NCL: variants seen among roughly 807,000 people sequenced by gnomAD.
The protein encoded by NCL is nucleolin multifunctional protein.
NCL carries 4 observed loss-of-function variants against 77.7 expected under a neutral mutation model. The ratio of observed to expected loss-of-function variants is 0.05; its 90% CI spans 0.03 to 0.12. The LOEUF (loss-of-function observed/expected upper bound fraction) is 0.12, where lower values mean the gene tolerates loss of function less well. Among genes scored for constraint, NCL ranks in the 10% least tolerant of loss-of-function variants. The pLI, the probability that NCL is intolerant of heterozygous loss-of-function variation, is 1.00. For missense variants in NCL, 763 were observed against 860.9 expected, an observed-to-expected ratio of 0.89 and a Z score of 1.42; for synonymous variants, 344 against 297.8, an observed-to-expected ratio of 1.16 and a Z score of -1.60.
chr2:231,464,312 G>T, intron 1 of NCL, 24 bp downstream of exon 1: 4 of 1,583,574 alleles, frequency 2.5e-6, no homozygotes, highest in Non-Finnish European at 3.4e-6. Flanking sequence ...CTACACGTCT[G>T]CGCTCGCGCT....
At chr2:231,464,279 CG>C (rs2046979571) in intron 1 of NCL, 56 bp downstream of exon 1, 1 of 1,544,660 alleles carries the variant, frequency 6.5e-7, no homozygotes, top group African/African-American at 1.4e-5. Flanking sequence ...CGCGGCGCCG[CG>C]CTCGCCCCTC....
In NCL at chr2:231,457,077, C is replaced by T; in HGVS notation, c.1495G>A (p.Glu499Lys). The part of the protein sequence containing the change: ...VLSNLSYSAT[E>K]ETLQEVFEKA... ...TCAAATACTTCCTGAAGAGTTTCTT[C>T]TGTTGCACTGTAGGAGAGGTTGCTT... The change falls in exon 10 of 14, where the codon GAA becomes AAA. Residue 499 changes from glutamate to lysine, a missense_variant. Physicochemically the swap from Glu to Lys is moderately conservative, Grantham distance 56. This residue lies in a region of NCL where 173 missense variants were observed against 290.4 expected (regional missense o/e 0.60). Transcript: ENST00000322723. 6.2e-7 allele frequency: 1 copy of T among 1,614,084 alleles called. No individual in the cohort carries two copies. The highest frequency in any genetic ancestry group is 8.5e-7 in the Non-Finnish European group (1 of 1,179,990).
At position 231,463,470 on chromosome 2, in the gene NCL, G is replaced by A. The variant is rs578046797; in HGVS notation, c.19-154C>T. On this transcript the variant is annotated intron_variant, in intron 1 of 13. Transcript: ENST00000322723. ...ACTAACATAGAAACTACTCCTGATG[G>A]CAATGCAAGAGGGACTACTCTCAAC... is the stretch of plus-strand genomic sequence containing the variant. The A allele has an allele frequency of 1.3e-5, 9 of 692,488 alleles. No individual in the cohort carries two copies. In the East Asian group the frequency reaches 2.3e-4, roughly 18 times the overall value. 42.9% of individuals were successfully genotyped at this position (692,488 alleles called of 1,614,324 possible). A position where few individuals can be genotyped will look rare whatever the true frequency, so the allele number is the denominator to read the frequency against.
chr2:231,455,518 G>A lies in NCL; in HGVS notation c.1939C>T (p.Pro647Ser). 1 of 1,614,100 alleles carries A rather than the reference G, an allele frequency of 6.2e-7. No individual in the cohort carries two copies. The highest frequency in any genetic ancestry group is 8.5e-7 in the Non-Finnish European group (1 of 1,180,030). ...CCCCCGAAGCCACCTTCACCCTTAG[G>A]TTTGGCCCAGTCCAAGGTAACTTTA... ...GNKVTLDWAK[P>S]KGEGGFGGRG... Residue 647 changes from proline (P) to serine (S), a missense_variant, in exon 13 of 14, where the codon CCT becomes TCT. Transcript: ENST00000322723.
At position 231,456,997 on chromosome 2, in the gene NCL, T is replaced by C; in HGVS notation, c.1571+4A>G. The stretch of plus-strand genomic sequence containing the variant: ...TAACTGATGATACAAAGGTATTATC[T>C]TACCCTTTAGATTTGCCATTTTGGT... On this transcript the variant is annotated splice_donor_region_variant and intron_variant, in intron 10 of 13. Transcript: ENST00000322723. 1 of 1,613,988 alleles carries C rather than the reference T, an allele frequency of 6.2e-7. No homozygotes were observed. The highest frequency in any genetic ancestry group is 8.5e-7 in the Non-Finnish European group (1 of 1,179,908).
chr2:231,457,179 G>A (rs1258838376), intron 9 of NCL, 55 bp from the exon 10 acceptor site: 13 of 1,606,252 alleles, frequency 8.1e-6, no homozygotes, highest in African/African-American at 4.0e-5. Flanking sequence ...TCCCAGCTTC[G>A]GTCACAACAG....
intron 2 of NCL, chr2:231,462,607 G>C (rs1337960957): frequency 2.0e-6 from 1 of 504,248 alleles, no homozygotes; most frequent in Non-Finnish European, 4.0e-6. Context: ...ATCAGGCAAT[G>C]TGTGGAAGAG....
In NCL at chr2:231,455,456, A is replaced by G; in HGVS notation, c.2001T>C (p.Gly667=). 1 of 1,613,548 alleles carries G rather than the reference A, an allele frequency of 6.2e-7. No homozygotes were observed. The highest frequency in any genetic ancestry group is 8.5e-7 in the Non-Finnish European group (1 of 1,179,874). ...GGGRGGFGGR[G]GGRGGRGGFG... ...ATCCTCCTCGGCCTCCTCTACCACC[A>G]CCTCGTCCTCCAAAGCCGCCTCTGC... Residue 667 remains glycine (G), a synonymous_variant, in exon 13 of 14, where the codon GGT becomes GGC. Coordinates refer to ENST00000322723, the MANE Select transcript of NCL (RefSeq NM_005381.3).
At chr2:231,461,000 C>A in intron 3 of NCL, 134 bp from the exon 4 acceptor site, 2 of 768,554 alleles carry the variant, frequency 2.6e-6, no homozygotes, top group East Asian at 2.5e-5. Context: ...CACTTGGGGC[C>A]GGGCGCAGTG....
At position 231,455,751 on chromosome 2, in the gene NCL, C is replaced by G. The variant is rs1559539859; in HGVS notation, c.1833-127G>C. Reference sequence around the variant, plus strand: ...TTTATTTGGGAAAAGATACCAGTGACAGAGTAGCTCTCTATGGAAAACTAA... The same window carrying G: ...TTTATTTGGGAAAAGATACCAGTGAGAGAGTAGCTCTCTATGGAAAACTAA... On this transcript the variant is annotated intron_variant, in intron 12 of 13. Transcript: ENST00000322723. 4.9e-6 allele frequency: 6 copies of G among 1,229,734 alleles called. No homozygotes were observed. The Admixed American group carries it at 8.5e-5, about 17-fold the overall frequency. The allele number at this position is 1,229,734 out of a possible 1,614,324, so 76.2% of individuals were successfully genotyped here.
intron 7 of NCL, chr2:231,458,595 C>CA: frequency 1.6e-6 from 1 of 644,410 alleles, no homozygotes; most frequent in Non-Finnish European, 2.6e-6. Flanking sequence ...ATGTCAAACT[C>CA]TCTGTTAGGT....
In NCL at chr2:231,464,484, T is replaced by C. The variant is rs2046982112; in HGVS notation, c.-131A>G. The C allele has an allele frequency of 2.0e-5, 26 of 1,325,176 alleles. No homozygotes were observed. The South Asian group carries it at 3.3e-4, about 17-fold the overall frequency. 82.1% of individuals were successfully genotyped at this position (1,325,176 alleles called of 1,614,324 possible). A position where few individuals can be genotyped will look rare whatever the true frequency, so the allele number is the denominator to read the frequency against. Reference sequence around the variant, plus strand: ...CCGAAGGCCAGCGAGAGCTCGAGACTGAGGCGAAAGACTGAGCCTGCCCAG... The same window carrying C: ...CCGAAGGCCAGCGAGAGCTCGAGACCGAGGCGAAAGACTGAGCCTGCCCAG... On this transcript the variant is annotated 5_prime_UTR_variant, in exon 1 of 14. Coordinates refer to ENST00000322723, the MANE Select transcript of NCL (RefSeq NM_005381.3).
Position 231,460,011 on chromosome 2 carries a change from T to C in NCL, c.1040+141A>G. On this transcript the variant is annotated intron_variant, in intron 6 of 13. Coordinates refer to ENST00000322723, the MANE Select transcript of NCL (RefSeq NM_005381.3). ...ACTTAGGGGATCTACAGTTTAATTC[T>C]AACTTAGTTCACTAATGCTAATCCT... 5 of 995,666 alleles carry C rather than the reference T, an allele frequency of 5.0e-6. No individual in the cohort carries two copies. The East Asian group carries it at 1.2e-4, about 25-fold the overall frequency. 61.7% of individuals were successfully genotyped at this position (995,666 alleles called of 1,614,324 possible). A position where few individuals can be genotyped will look rare whatever the true frequency, so the allele number is the denominator to read the frequency against.
rs762682251 is a variant in NCL at position 231,460,709 on chromosome 2, A to ATCATCATCT, written c.762_770dup (p.Glu254_Asp256dup). The ATCATCATCT allele has an allele frequency of 6.2e-6, 10 of 1,608,046 alleles. No homozygotes were observed. Among genetic ancestry groups the ATCATCATCT allele is most frequent in the South Asian group, 4.4e-5 (4 of 90,906 alleles). The stretch of plus-strand genomic sequence containing the variant: ...CTTCCTCCTCCTCATCATCTTCATC[A>ATCATCATCT]TCATCATCTTCATCATCTTCGTCGT... On this transcript the variant is annotated inframe_insertion, in exon 4 of 14. Transcript: ENST00000322723.
chr2:231,458,595 C>T (rs2046915375), intron 7 of NCL: 1 of 644,292 alleles, frequency 1.6e-6, no homozygotes, highest in Non-Finnish European at 2.6e-6. Flanking sequence ...ATGTCAAACT[C>T]TCTGTTAGGT....
At chr2:231,457,959 C>T (rs1325054511) in intron 8 of NCL, among the ~76,000 whole-genome samples, 159 bp from the exon 9 acceptor site, 1 of 152,234 alleles carries the variant, frequency 6.6e-6, no homozygotes, top group Non-Finnish European at 1.5e-5. Context: ...TTACTTCCCA[C>T]TAGTTTTACA....
In NCL at chr2:231,457,664, C is replaced by T. The variant is rs2046904307; in HGVS notation, c.1426G>A (p.Gly476Arg). Reference protein sequence around the residue: ...EKGQNQDYRGGKNSTWSGESK... With the variant: ...EKGQNQDYRGRKNSTWSGESK... ...TTACCACTCCAAGTGCTATTCTTTC[C>T]ACCTCTATAGTCTTGATTTTGACCT... The change falls in exon 9 of 14, where the codon GGA becomes AGA. Residue 476 changes from glycine (G) to arginine (R), a missense_variant. By Grantham distance (125) the Gly-to-Arg change is moderately radical. Coordinates refer to ENST00000322723, the MANE Select transcript of NCL (RefSeq NM_005381.3). 1 of 1,602,740 alleles carries T rather than the reference C, an allele frequency of 6.2e-7. No homozygotes were observed. The highest frequency in any genetic ancestry group is 1.3e-5 in the African/African-American group (1 of 74,532).
intron 3 of NCL, 121 bp from the exon 4 acceptor site, chr2:231,460,987 G>A (rs767353613): frequency 2.4e-6 from 2 of 842,906 alleles, no homozygotes; most frequent in South Asian, 1.5e-5. Context: ...GGCAAGAATA[G>A]ATCACTTGGG....
In NCL at chr2:231,455,709, C is replaced by T. The variant is rs2046880245; in HGVS notation, c.1833-85G>A. 3 of 1,453,266 alleles carry T rather than the reference C, an allele frequency of 2.1e-6. No homozygotes were observed. The East Asian group carries it at 6.8e-5, about 33-fold the overall frequency. The allele number at this position is 1,453,266 out of a possible 1,614,324, so 90.0% of individuals were successfully genotyped here. On this transcript the variant is annotated intron_variant, in intron 12 of 13. Transcript: ENST00000322723. ...AACTGTACATGCTGGGGAGCCATCC[C>T]ACAGAAAGTAGCCTTGTTTATTTGG...
Sources: gnomAD v4.1 joint callset for allele counts (sites outside exome capture counted in the v4.1 genomes callset) on GRCh38, gnomAD v4.1.1 for gene constraint, gnomAD v4.1.1 regional missense constraint, MANE v1.5 for transcripts, NCBI Gene and HGNC (gene_info 2026-07-23, HGNC 2026-07-21) for gene names.